Variants in DAB1 observed in about 807,000 individuals in gnomAD.
DAB1 encodes DAB adaptor protein 1, also known as disabled homolog 1.
In DAB1, 15 loss-of-function variants were observed where a neutral mutation model predicts 64.6. The observed-to-expected ratio is 0.23, with a 90% confidence interval of 0.16 to 0.36. The LOEUF (loss-of-function observed/expected upper bound fraction) is 0.36, where lower values mean the gene tolerates loss of function less well. Ranked by LOEUF, DAB1 falls within the 10% of genes least tolerant of loss-of-function variation. DAB1 has a pLI of 1.00. For missense variants in DAB1, 596 were observed against 706.7 expected (o/e 0.84, Z 1.78); for synonymous variants, 235 against 251.9 (o/e 0.93, Z 0.64).
intron 2 of DAB1, among the ~76,000 whole-genome samples, chr1:58,522,272 T>C (rs1207117672): frequency 6.6e-6 from 1 of 152,170 alleles, no homozygotes; most frequent in Non-Finnish European, 1.5e-5. Context: ...GACACATATT[T>C]ATTAATGTAA....
chr1:57,926,270 G>GAAAGTT (rs78461495), intron 5 of DAB1, among the ~76,000 whole-genome samples: 59,292 of 152,164 alleles, frequency 0.39, 12,596 homozygotes, highest in Admixed American at 0.49. Flanking sequence ...AACTCTCTGA[G>GAAAGTT]TTCCACTGAG....
chr1:57,541,964 A>G (rs1644807708), intron 7 of DAB1, among the ~76,000 whole-genome samples: 1 of 151,976 alleles, frequency 6.6e-6, no homozygotes, highest in Admixed American at 6.6e-5. Context: ...GTGGAGATGG[A>G]TCAGAGGACA....
intron 3 of DAB1, among the ~76,000 whole-genome samples, chr1:58,401,210 T>C (rs935327298): frequency 7.2e-5 from 11 of 152,234 alleles, no homozygotes; most frequent in African/African-American, 2.7e-4. Context: ...CCTTCCCGTG[T>C]CCTGGAAGAC....
At chr1:58,279,250 C>T (rs1415894012) in intron 4 of DAB1, among the ~76,000 whole-genome samples, 2 of 152,164 alleles carry the variant, frequency 1.3e-5, no homozygotes, top group Admixed American at 6.5e-5. Flanking sequence ...AAGATAATGC[C>T]ACTTAATTTG....
chr1:57,515,603 G>C (rs1644454530), intron 7 of DAB1, among the ~76,000 whole-genome samples: 1 of 152,210 alleles, frequency 6.6e-6, no homozygotes, highest in Non-Finnish European at 1.5e-5. Flanking sequence ...AAGGTGAAAA[G>C]AACTGGATAG....
At chr1:56,998,632 C>T (rs911981221) in intron 14 of DAB1, among the ~76,000 whole-genome samples, 5 of 152,198 alleles carry the variant, frequency 3.3e-5, no homozygotes, top group African/African-American at 1.2e-4. Context: ...CTTGAGAACC[C>T]TGAAATTCTA....
intron 5 of DAB1, among the ~76,000 whole-genome samples, chr1:57,967,919 T>C (rs1645707329): frequency 6.6e-6 from 1 of 152,188 alleles, no homozygotes; most frequent in Non-Finnish European, 1.5e-5. Context: ...CTCAAAATTT[T>C]TGCATTTTCG....
intron 6 of DAB1, among the ~76,000 whole-genome samples, chr1:57,721,310 C>T (rs1469419693): frequency 6.6e-6 from 1 of 152,076 alleles, no homozygotes; most frequent in South Asian, 2.1e-4. Context: ...TGGATGTATA[C>T]AGAGAAGCAA....
intron 3 of DAB1, among the ~76,000 whole-genome samples, chr1:58,501,233 C>A (rs1645902133): frequency 6.6e-6 from 1 of 152,080 alleles, no homozygotes; most frequent in Admixed American, 6.6e-5. Context: ...TTGAAATTCA[C>A]ATTTAAAAAA....
At chr1:57,406,695 CAA>C (rs1266108283) in intron 1 of DAB1, among the ~76,000 whole-genome samples, 2 of 152,182 alleles carry the variant, frequency 1.3e-5, no homozygotes, top group Non-Finnish European at 2.9e-5. Flanking sequence ...AGCTTGTATG[CAA>C]AGATGCCAGT....
At chr1:57,592,051 T>C (rs1419744787) in intron 7 of DAB1, among the ~76,000 whole-genome samples, 2 of 152,206 alleles carry the variant, frequency 1.3e-5, no homozygotes, top group Non-Finnish European at 2.9e-5. Context: ...GAGGTGTTAG[T>C]CTTGATACTG....
intron 2 of DAB1, among the ~76,000 whole-genome samples, chr1:57,230,968 A>G: frequency 6.6e-6 from 1 of 152,152 alleles, no homozygotes; most frequent in Non-Finnish European, 1.5e-5. Context: ...AAAAGTGAGT[A>G]GAAAAATGCT....
At chr1:57,638,185 T>C (rs1244793118) in intron 7 of DAB1, among the ~76,000 whole-genome samples, 1 of 152,226 alleles carries the variant, frequency 6.6e-6, no homozygotes, top group East Asian at 1.9e-4. Context: ...AGAATATGTT[T>C]AGATTAGTTT....
intron 5 of DAB1, among the ~76,000 whole-genome samples, chr1:57,948,586 C>G (rs1489217747): frequency 6.6e-6 from 1 of 152,212 alleles, no homozygotes; most frequent in African/African-American, 2.4e-5. Context: ...CCACAGGAGT[C>G]CAGCATAAGA....
intron 3 of DAB1, among the ~76,000 whole-genome samples, chr1:58,490,505 T>G (rs1024732878): frequency 1.3e-5 from 2 of 152,194 alleles, no homozygotes; most frequent in African/African-American, 4.8e-5. Flanking sequence ...GGAACCAAGT[T>G]GGAAAACACT....
chr1:58,299,580 G>A (rs1442283180), intron 4 of DAB1, among the ~76,000 whole-genome samples: 2 of 152,094 alleles, frequency 1.3e-5, no homozygotes, highest in African/African-American at 4.8e-5. Context: ...CCTCAAAAAC[G>A]CCTTACTGAT....
chr1:57,279,442 G>A (rs976181281), intron 2 of DAB1, among the ~76,000 whole-genome samples: 23 of 152,198 alleles, frequency 1.5e-4, no homozygotes, highest in African/African-American at 5.5e-4. Context: ...ATCCATGGAT[G>A]CAGAACCTCA....
In DAB1 at chr1:57,082,683, C is replaced by T. The variant is rs1652664202; in HGVS notation, c.307-10269G>A. Among the ~76,000 whole-genome samples the T allele has an allele frequency of 2.6e-5, 4 of 152,138 alleles. No homozygotes were observed. The South Asian group carries it at 6.2e-4, about 24-fold the overall frequency. On this transcript the variant is annotated intron_variant, in intron 4 of 14. Transcript: ENST00000371236. ...ATTTACCCTGATGTTCTCCCTCCCC[C>T]TGATCCCCCAACAGGCCCCAGTGTG...
chr1:57,687,134 T>C (rs1444213478), intron 6 of DAB1, among the ~76,000 whole-genome samples: 2 of 152,188 alleles, frequency 1.3e-5, no homozygotes, highest in Non-Finnish European at 2.9e-5. Context: ...TATTTCTATA[T>C]CTGTAAAACC....
Sources: gnomAD v4.1 joint callset for allele counts (sites outside exome capture counted in the v4.1 genomes callset) on GRCh38, gnomAD v4.1.1 for gene constraint, MANE v1.5 for transcripts, NCBI Gene and HGNC (gene_info 2026-07-23, HGNC 2026-07-21) for gene names.